SLC6A4: variants seen among roughly 807,000 people sequenced by gnomAD.
SLC6A4 encodes sodium-dependent serotonin transporter.
Under a neutral mutation model 73.4 loss-of-function variants are expected in SLC6A4, and 22 were observed. That is an observed-to-expected ratio of 0.30 (90% CI 0.21 to 0.43). The LOEUF (loss-of-function observed/expected upper bound fraction) is 0.43. Ranked by LOEUF, SLC6A4 falls within the 20% of genes least tolerant of loss-of-function variation. SLC6A4 has a pLI of 1.00. For synonymous variants in SLC6A4, 270 were observed against 315.5 expected, an observed-to-expected ratio of 0.86 and a Z score of 1.53; for missense variants, 593 against 808.5, an observed-to-expected ratio of 0.73 and a Z score of 3.23.
chr17:30,216,188 T>C lies in SLC6A4; in HGVS notation c.866A>G (p.Tyr289Cys), dbSNP rs1906566681. ...KVVWVTATFP[Y>C]IILSVLLVRG... is the part of the protein sequence containing the mutation. The stretch of plus-strand genomic sequence containing the variant: ...CACCAGCAGGACAGAAAGGATGATA[T>C]AAGGGAAGGTGGCTGTCACCCACAC... Residue 289 changes from tyrosine (Y) to cysteine (C), a missense_variant, in exon 7 of 15, where the codon TAT becomes TGT. Physicochemically the swap from Tyr to Cys is radical, Grantham distance 194. Transcript: ENST00000650711. 1 of 1,609,868 alleles carries C rather than the reference T, an allele frequency of 6.2e-7. No homozygotes were observed. Among genetic ancestry groups the C allele is most frequent in the South Asian group, 1.1e-5 (1 of 90,944 alleles).
intron 14 of SLC6A4, among the ~76,000 whole-genome samples, chr17:30,202,080 A>G (rs1906054745): frequency 6.6e-6 from 1 of 152,138 alleles, no homozygotes; most frequent in Non-Finnish European, 1.5e-5. Flanking sequence ...GTACAGAGTG[A>G]GACCTTGTCT....
At chr17:30,217,491 G>A (rs1906614234) in intron 5 of SLC6A4, among the ~76,000 whole-genome samples, 187 bp from the exon 6 acceptor site, 1 of 152,192 alleles carries the variant, frequency 6.6e-6, no homozygotes, top group Non-Finnish European at 1.5e-5. Flanking sequence ...AGCACATTTG[G>A]CCAACACCCT....
At chr17:30,207,707 G>C (rs1378230416) in intron 13 of SLC6A4, 25 bp downstream of exon 13, 1 of 1,478,694 alleles carries the variant, frequency 6.8e-7, no homozygotes, top group South Asian at 1.1e-5. Context: ...CCAGGGCAAG[G>C]AGGAGAAGGG....
intron 1 of SLC6A4, among the ~76,000 whole-genome samples, chr17:30,234,290 T>G (rs2143016933): frequency 1.3e-5 from 2 of 152,240 alleles, no homozygotes; most frequent in East Asian, 3.9e-4. Flanking sequence ...ATCACCAGAG[T>G]GTTGAGGGGA....
intron 8 of SLC6A4, among the ~76,000 whole-genome samples, chr17:30,215,193 A>AC (rs1906530483): frequency 1.3e-5 from 2 of 151,858 alleles, no homozygotes; most frequent in Admixed American, 1.3e-4. Context: ...CAGGTGTGCA[A>AC]CACCATGCCT....
chr17:30,207,645 C>T (rs1440502313), intron 13 of SLC6A4, 87 bp downstream of exon 13: 3 of 882,750 alleles, frequency 3.4e-6, no homozygotes, highest in Non-Finnish European at 5.6e-6. Context: ...GGATGAGCCA[C>T]CGTGCCCAGC....
intron 1 of SLC6A4, among the ~76,000 whole-genome samples, chr17:30,229,199 G>A (rs9911216): frequency 0.02 from 3,028 of 152,270 alleles, 112 homozygotes; most frequent in African/African-American, 0.068. Context: ...TAAAGAGCCC[G>A]GGATGGGCTT....
rs1051647944 is a variant in SLC6A4, at chr17:30,217,166, C to T, written c.837G>A (p.Lys279=). 1 of 1,613,258 alleles carries T rather than the reference C, an allele frequency of 6.2e-7. No individual in the cohort carries two copies. The highest frequency in any genetic ancestry group is 1.3e-5 in the African/African-American group (1 of 75,020). Residue 279 remains lysine (K), a splice_region_variant and synonymous_variant, in exon 6 of 15, where the codon AAG becomes AAA. Coordinates refer to ENST00000650711, the MANE Select transcript of SLC6A4 (RefSeq NM_001045.6). Reference sequence around the variant, plus strand: ...GGTCAGCAGCCAGAGCCTTCCTCACCTTGCCAGAGGTCTTGACGCCTTTCC... The same window carrying T: ...GGTCAGCAGCCAGAGCCTTCCTCACTTTGCCAGAGGTCTTGACGCCTTTCC... ...SIWKGVKTSG[K]VVWVTATFPY...
chr17:30,216,837 GT>G (rs888920681), intron 6 of SLC6A4, among the ~76,000 whole-genome samples: 4 of 134,708 alleles, frequency 3.0e-5, no homozygotes, highest in Middle Eastern at 3.7e-3. Flanking sequence ...CCTGGCTATT[GT>G]TTTTTTTTGT....
chr17:30,204,191 TG>T (rs1248662382), intron 13 of SLC6A4: 1 of 152,274 alleles, frequency 6.6e-6, no homozygotes, highest in Admixed American at 6.5e-5. Context: ...TAGTAACCAC[TG>T]TGCCGAAATT....
chr17:30,201,828 C>T (rs189814359), intron 14 of SLC6A4, among the ~76,000 whole-genome samples: 8 of 152,252 alleles, frequency 5.3e-5, no homozygotes, highest in Middle Eastern at 3.4e-3. Context: ...GATATTTGGC[C>T]GGGTGCAGTG....
At chr17:30,200,634 A>T in intron 14 of SLC6A4, among the ~76,000 whole-genome samples, 1 of 152,222 alleles carries the variant, frequency 6.6e-6, no homozygotes, top group Non-Finnish European at 1.5e-5. Flanking sequence ...ACAGACTAGC[A>T]AGTCTGGTAT....
rs1359413899 is a variant in SLC6A4 at position 30,216,183 on chromosome 17, T to C, written c.871A>G (p.Ile291Val). ...VWVTATFPYI[I>V]LSVLLVRGAT... ...CCCCTCACCAGCAGGACAGAAAGGA[T>C]GATATAAGGGAAGGTGGCTGTCACC... Residue 291 changes from isoleucine (I) to valine (V), a missense_variant, in exon 7 of 15, where the codon ATC (isoleucine) becomes GTC (valine). Ile to Val is a conservative substitution (Grantham distance 29). Coordinates refer to ENST00000650711, the MANE Select transcript of SLC6A4 (RefSeq NM_001045.6). 5 of 1,605,838 alleles carry C rather than the reference T, an allele frequency of 3.1e-6. No individual in the cohort carries two copies. Among genetic ancestry groups the C allele is most frequent in the East Asian group, 2.3e-5 (1 of 44,400 alleles).
intron 6 of SLC6A4, among the ~76,000 whole-genome samples, 164 bp downstream of exon 6, chr17:30,217,002 C>T (rs543253799): frequency 6.6e-6 from 1 of 152,256 alleles, no homozygotes; most frequent in African/African-American, 2.4e-5. Flanking sequence ...GCCCAACCCA[C>T]TTCTAGAATT....
intron 13 of SLC6A4, 21 bp from the exon 14 acceptor site, chr17:30,203,360 A>G (rs1473004807): frequency 6.2e-7 from 1 of 1,606,854 alleles, no homozygotes; most frequent in Non-Finnish European, 8.5e-7. Context: ...AATTCCAAGA[A>G]ACATTAAAAA....
chr17:30,213,792 G>A (rs531159804), intron 8 of SLC6A4, among the ~76,000 whole-genome samples: 1 of 152,040 alleles, frequency 6.6e-6, no homozygotes, highest in African/African-American at 2.4e-5. Flanking sequence ...TGTTGCACAG[G>A]CTGAAGTGCA....
intron 4 of SLC6A4, 126 bp downstream of exon 4, chr17:30,218,671 C>T: frequency 1.1e-6 from 1 of 951,814 alleles, no homozygotes; most frequent in South Asian, 1.5e-5. Flanking sequence ...CTTAATTACT[C>T]AAGCAGTCTC....
intron 12 of SLC6A4, 82 bp downstream of exon 12, chr17:30,209,061 C>T: frequency 2.1e-6 from 2 of 974,534 alleles, no homozygotes; most frequent in Non-Finnish European, 3.2e-6. Flanking sequence ...CCCTCACAGC[C>T]TTTTTTGGTG....
chr17:30,221,567 C>T, intron 3 of SLC6A4, 49 bp downstream of exon 3: 1 of 1,544,096 alleles, frequency 6.5e-7, no homozygotes, highest in East Asian at 2.2e-5. Flanking sequence ...CACTCCGGGT[C>T]ACAGCCCACC....
Sources: allele counts gnomAD v4.1 joint callset (sites outside exome capture counted in the v4.1 genomes callset), GRCh38; gene constraint gnomAD v4.1.1; transcripts MANE v1.5; gene names NCBI Gene and HGNC (gene_info 2026-07-23, HGNC 2026-07-21).